Variants in PCDHA9 observed in about 807,000 individuals in gnomAD.
The protein encoded by PCDHA9 is protocadherin alpha 9, also known as protocadherin alpha-9.
In PCDHA9, 62 loss-of-function variants were observed where a neutral mutation model predicts 62.0. The ratio of observed to expected loss-of-function variants is 1.00; its 90% CI spans 0.81 to 1.23. The LOEUF (loss-of-function observed/expected upper bound fraction) is 1.23. Among genes scored for constraint, PCDHA9 ranks in the 50% most tolerant of loss-of-function variants. The pLI is 0.00. For missense variants in PCDHA9, 1,205 were observed against 1,249.8 expected, an observed-to-expected ratio of 0.96 and a Z score of 0.54; for synonymous variants, 557 against 567.6, an observed-to-expected ratio of 0.98 and a Z score of 0.27.
At chr5:140,895,206 AT>A (rs2064913908) in intron 1 of PCDHA9, among the ~76,000 whole-genome samples, 1 of 151,808 alleles carries the variant, frequency 6.6e-6, no homozygotes, top group Non-Finnish European at 1.5e-5. Flanking sequence ...ATTTGCTTTT[AT>A]TTCTAATATT....
chr5:141,006,794 A>G (rs1416356472), intron 3 of PCDHA9, among the ~76,000 whole-genome samples: 1 of 152,160 alleles, frequency 6.6e-6, no homozygotes, highest in African/African-American at 2.4e-5. Context: ...ATTAGCTTTG[A>G]ACTTTCTGGC....
chr5:140,943,719 T>G (rs1198620937), intron 1 of PCDHA9, among the ~76,000 whole-genome samples: 2 of 152,126 alleles, frequency 1.3e-5, no homozygotes, highest in African/African-American at 4.8e-5. Context: ...TTTAAAGGTC[T>G]GAGAGAATGA....
chr5:140,972,820 C>A (rs1247488574), intron 1 of PCDHA9, among the ~76,000 whole-genome samples: 3 of 151,964 alleles, frequency 2.0e-5, no homozygotes, highest in Admixed American at 6.6e-5. Context: ...CGCGCCACCA[C>A]GCCTGGCTAA....
chr5:140,889,403 C>T (rs1246037388), intron 1 of PCDHA9, among the ~76,000 whole-genome samples: 1 of 151,882 alleles, frequency 6.6e-6, no homozygotes, highest in Non-Finnish European at 1.5e-5. Flanking sequence ...TTAATTTACT[C>T]GAGTCAGTTA....
Position 140,849,506 on chromosome 5 carries a change from T to C in PCDHA9, c.1011T>C (p.Leu337=). 6.3e-7 allele frequency: 1 copy of C among 1,596,374 alleles called. No homozygotes were observed. The highest frequency in any genetic ancestry group is 1.4e-5 in the African/African-American group (1 of 73,954). ...FPPLAGHCTL[L]VEVVDVNDNA... is the part of the protein sequence containing the mutation. ...CCCTGGCTGGTCATTGTACACTTCTTGTGGAAGTTGTGGATGTAAATGACA... is the reference window on the plus strand; with the variant it reads ...CCCTGGCTGGTCATTGTACACTTCTCGTGGAAGTTGTGGATGTAAATGACA... Residue 337 remains leucine (L), a synonymous_variant, in exon 1 of 4, where the codon CTT becomes CTC. Coordinates refer to ENST00000532602, the MANE Select transcript of PCDHA9 (RefSeq NM_031857.2).
rs782163702 is a variant in PCDHA9, at chr5:140,979,042, C to G, written c.2453+35C>G. 3.1e-6 allele frequency: 5 copies of G among 1,612,562 alleles called. No individual in the cohort carries two copies. The South Asian group carries it at 4.4e-5, about 14-fold the overall frequency. Reference sequence around the variant, plus strand: ...TCCCTCCTCATTCACTCAGAAGTAACCTTAACTTGGTATGGCTCAGATAAA... The same window carrying G: ...TCCCTCCTCATTCACTCAGAAGTAAGCTTAACTTGGTATGGCTCAGATAAA... On this transcript the variant is annotated intron_variant, in intron 2 of 3. Coordinates refer to ENST00000532602, the MANE Select transcript of PCDHA9 (RefSeq NM_031857.2).
At chr5:140,925,383 T>C (rs1554202722) in intron 1 of PCDHA9, among the ~76,000 whole-genome samples, 2 of 152,140 alleles carry the variant, frequency 1.3e-5, no homozygotes, top group African/African-American at 2.4e-5. Flanking sequence ...TCAATGAGTC[T>C]CCTTTTGGCT....
intron 1 of PCDHA9, chr5:140,883,882 C>T (rs200536915): frequency 6.8e-6 from 11 of 1,613,068 alleles, no homozygotes; most frequent in Middle Eastern, 1.7e-4. Flanking sequence ...TGAGCGCGCG[C>T]GACTCTGGCG....
intron 1 of PCDHA9, chr5:140,858,022 G>A (rs1554151044): frequency 1.3e-6 from 2 of 1,597,054 alleles, no homozygotes; most frequent in Non-Finnish European, 8.6e-7. Flanking sequence ...AGCCGTCGCT[G>A]ACGGCCACGG....
chr5:140,909,343 C>G (rs148713510), intron 1 of PCDHA9, among the ~76,000 whole-genome samples: 2 of 152,264 alleles, frequency 1.3e-5, no homozygotes, highest in African/African-American at 4.8e-5. Context: ...ATACCAGGTA[C>G]CAAGAGATGT....
intron 1 of PCDHA9, among the ~76,000 whole-genome samples, chr5:140,886,847 A>AT (rs2061191950): frequency 6.6e-6 from 1 of 151,038 alleles, no homozygotes; most frequent in Non-Finnish European, 1.5e-5. Flanking sequence ...AAAAAAAAAA[A>AT]GAAAGGTCTT....
At chr5:141,000,415 ATATATATTTTTT>A (rs1251582263) in intron 3 of PCDHA9, among the ~76,000 whole-genome samples, 1 of 87,388 alleles carries the variant, frequency 1.1e-5, no homozygotes, top group East Asian at 3.4e-4. Context: ...ATATATATAT[ATATATATTTTTT>A]TTTTTTTTTT....
At chr5:140,984,260 A>G (rs2097093759) in intron 3 of PCDHA9, among the ~76,000 whole-genome samples, 1 of 152,172 alleles carries the variant, frequency 6.6e-6, no homozygotes, top group South Asian at 2.1e-4. Context: ...GTAAGCCACA[A>G]ACTAACTTTG....
At chr5:140,941,202 CCTTTCTTTCTTCCTTT>C (rs1307053809) in intron 1 of PCDHA9, among the ~76,000 whole-genome samples, 1 of 122,742 alleles carries the variant, frequency 8.1e-6, no homozygotes, top group Non-Finnish European at 1.8e-5. Context: ...TTTCTTTCTT[CCTTTCTTTCTTCCTTT>C]CTTTCTTTCT....
rs2150499781 is a variant in PCDHA9 at position 140,850,825 on chromosome 5, C to T, written c.2330C>T (p.Ser777Phe). 8 of 1,598,102 alleles carry T rather than the reference C, an allele frequency of 5.0e-6. No homozygotes were observed. Among genetic ancestry groups the T allele is most frequent in the African/African-American group, 2.7e-5 (2 of 74,348 alleles). The change falls in exon 1 of 4, where the codon TCT (serine) becomes TTT (phenylalanine). Residue 777 changes from serine (S) to phenylalanine (F), a missense_variant. This residue lies in a region of PCDHA9 where 887 missense variants were observed against 809.5 expected (regional missense o/e 1.10). Transcript: ENST00000532602. ...TDLMAFSPGL[S>F]PCAGSTERTG... is the part of the protein sequence containing the mutation. ...CTCATGGCCTTCAGCCCGGGCCTTT[C>T]TCCTTGTGCTGGATCTACAGAGCGA...
At chr5:140,927,092 G>T in intron 1 of PCDHA9, 1 of 1,612,746 alleles carries the variant, frequency 6.2e-7, no homozygotes, top group Non-Finnish European at 8.5e-7. Flanking sequence ...CTCTACTTCG[G>T]GGTGGATCTA....
intron 1 of PCDHA9, among the ~76,000 whole-genome samples, chr5:140,932,798 T>C (rs2153613163): frequency 6.6e-6 from 1 of 151,958 alleles, no homozygotes; most frequent in Middle Eastern, 3.4e-3. Flanking sequence ...AGAAAAGCAA[T>C]ACCTTGGAAA....
At chr5:140,858,227 G>C (rs782000026) in intron 1 of PCDHA9, 1 of 1,596,486 alleles carries the variant, frequency 6.3e-7, no homozygotes. Context: ...GGCGCCCACC[G>C]AGGGCGCATG....
chr5:140,850,730 G>T lies in PCDHA9; in HGVS notation c.2235G>T (p.Val745=), dbSNP rs1439103901. Residue 745 remains valine (V), a synonymous_variant, in exon 1 of 4, where the codon GTG becomes GTT. Coordinates refer to ENST00000532602, the MANE Select transcript of PCDHA9 (RefSeq NM_031857.2). Reference sequence around the variant, plus strand: ...CGACGCTGGTGTGTTCTAGCGCGGTGGGGAGTTGGTCGTACTCGCAGCAGA... The same window carrying T: ...CGACGCTGGTGTGTTCTAGCGCGGTTGGGAGTTGGTCGTACTCGCAGCAGA... ...GKPTLVCSSA[V]GSWSYSQQRR... is the part of the protein sequence containing the mutation. 1.9e-6 allele frequency: 3 copies of T among 1,597,976 alleles called. No individual in the cohort carries two copies. Among genetic ancestry groups the T allele is most frequent in the Non-Finnish European group, 2.6e-6 (3 of 1,167,592 alleles).
Sources: gnomAD v4.1 joint callset for allele counts (sites outside exome capture counted in the v4.1 genomes callset) on GRCh38, gnomAD v4.1.1 for gene constraint, gnomAD v4.1.1 regional missense constraint, MANE v1.5 for transcripts, NCBI Gene and HGNC (gene_info 2026-07-23, HGNC 2026-07-21) for gene names.